Variants in TTC28 observed in about 807,000 individuals in gnomAD.
TTC28 encodes the protein tetratricopeptide repeat protein 28.
A neutral mutation model predicts 198.0 loss-of-function variants in TTC28; 61 were observed. The observed-to-expected ratio is 0.31, with a 90% confidence interval of 0.25 to 0.38. TTC28 has a LOEUF of 0.38. Ranked by LOEUF, TTC28 falls within the 10% of genes least tolerant of loss-of-function variation. The probability of loss-of-function intolerance (pLI) is 1.00; values close to 1 mark genes in which losing one functional copy is unlikely to be tolerated. For missense variants in TTC28, 2,678 were observed against 3,164.0 expected (o/e 0.85, Z 3.69); for synonymous variants, 1,171 against 1,297.8 (o/e 0.90, Z 2.10).
chr22:28,574,456 G>A (rs919888957), intron 2 of TTC28, among the ~76,000 whole-genome samples: 4 of 152,038 alleles, frequency 2.6e-5, no homozygotes, highest in Non-Finnish European at 5.9e-5. Flanking sequence ...TCCAAATCTT[G>A]GCTACTGTAA....
Position 27,980,733 on chromosome 22 carries a change from A to AAAT in TTC28, c.*1485_*1487dup, listed in dbSNP as rs1936981502. 6.6e-6 allele frequency: 1 copy of AAAT among 151,708 alleles called. No homozygotes were observed. Among genetic ancestry groups the AAAT allele is most frequent in the Admixed American group, 6.6e-5 (1 of 15,224 alleles). The allele number at this position is 151,708 out of a possible 1,614,324, so 9.4% of individuals were successfully genotyped here. ...TTACCTAAAAGATACTTACTTATCTAAATTCTCCAACTAAACTCAGTACTA... is the reference window on the plus strand; with the variant it reads ...TTACCTAAAAGATACTTACTTATCTAAATAATTCTCCAACTAAACTCAGTACTA... On this transcript the variant is annotated 3_prime_UTR_variant, in exon 23 of 23. Coordinates refer to ENST00000397906, the MANE Select transcript of TTC28 (RefSeq NM_001145418.2).
At chr22:28,265,118 C>T (rs1931597328) in intron 5 of TTC28, among the ~76,000 whole-genome samples, 1 of 152,120 alleles carries the variant, frequency 6.6e-6, no homozygotes, top group South Asian at 2.1e-4. Flanking sequence ...GAATAAATGA[C>T]ATACATTTAT....
At chr22:28,102,049 C>T (rs1277822479) in intron 8 of TTC28, among the ~76,000 whole-genome samples, 2 of 152,130 alleles carry the variant, frequency 1.3e-5, no homozygotes, top group Non-Finnish European at 2.9e-5. Context: ...CATAGCTTTG[C>T]AAAGGAAAAC....
intron 2 of TTC28, among the ~76,000 whole-genome samples, chr22:28,444,469 T>G (rs2047672913): frequency 6.6e-6 from 1 of 152,308 alleles, no homozygotes; most frequent in Non-Finnish European, 1.5e-5. Context: ...CCTGAGAATC[T>G]GAAATTCAAT....
At chr22:28,512,450 A>G (rs1293979435) in intron 2 of TTC28, among the ~76,000 whole-genome samples, 1 of 152,200 alleles carries the variant, frequency 6.6e-6, no homozygotes, top group Non-Finnish European at 1.5e-5. Flanking sequence ...AATATAAACC[A>G]TTCTATTATA....
At chr22:28,589,942 G>T (rs933634235) in intron 2 of TTC28, among the ~76,000 whole-genome samples, 35 of 148,644 alleles carry the variant, frequency 2.4e-4, no homozygotes, top group African/African-American at 8.7e-4. Flanking sequence ...GGAGGCTGAG[G>T]CAGAGAACTG....
chr22:28,011,460 G>A (rs1447618308), intron 14 of TTC28, among the ~76,000 whole-genome samples: 2 of 152,140 alleles, frequency 1.3e-5, no homozygotes, highest in African/African-American at 4.8e-5. Context: ...GCTGGGTGTG[G>A]TGGTGCACAC....
chr22:28,288,085 A>G (rs2044718261), intron 5 of TTC28, among the ~76,000 whole-genome samples: 1 of 152,148 alleles, frequency 6.6e-6, no homozygotes, highest in Non-Finnish European at 1.5e-5. Flanking sequence ...AATAACATCA[A>G]TAATAACAAT....
intron 2 of TTC28, among the ~76,000 whole-genome samples, chr22:28,416,727 C>T (rs1285276717): frequency 6.6e-6 from 1 of 152,128 alleles, no homozygotes; most frequent in Admixed American, 6.5e-5. Context: ...AAGCATAGCA[C>T]ACAACACTGA....
chr22:28,165,512 G>A (rs1034199860), intron 5 of TTC28, among the ~76,000 whole-genome samples: 1 of 151,834 alleles, frequency 6.6e-6, no homozygotes, highest in East Asian at 1.9e-4. Context: ...GAAGAGAGTA[G>A]GGGCCAATAT....
chr22:28,129,805 G>A (rs1456167782), intron 6 of TTC28, among the ~76,000 whole-genome samples: 4 of 152,162 alleles, frequency 2.6e-5, no homozygotes, highest in Admixed American at 6.6e-5. Context: ...GTAGACAGAG[G>A]CTCCTCTGAA....
Position 28,163,370 on chromosome 22 carries a change from C to T in TTC28, c.1163G>A (p.Gly388Glu). Residue 388 changes from glycine to glutamate, a missense_variant, in exon 6 of 23, where the codon GGG becomes GAG. Gly to Glu is a moderately conservative substitution (Grantham distance 98, BLOSUM62 -2). Coordinates refer to ENST00000397906, the MANE Select transcript of TTC28 (RefSeq NM_001145418.2). ...EQHLKIAKDL[G>E]NKREEARAYS... ...AGCCCGGGCCTCTTCTCGCTTGTTC[C>T]CCAGGTCCTTGGCTATCTTCAGATG... 1 of 1,552,036 alleles carries T rather than the reference C, an allele frequency of 6.4e-7. No individual in the cohort carries two copies. The highest frequency in any genetic ancestry group is 1.2e-5 in the South Asian group (1 of 84,062).
At chr22:28,210,134 A>T (rs1926793776) in intron 5 of TTC28, among the ~76,000 whole-genome samples, 1 of 152,144 alleles carries the variant, frequency 6.6e-6, no homozygotes, top group Non-Finnish European at 1.5e-5. Flanking sequence ...AACCCCATCT[A>T]TATGTCACCA....
At chr22:28,300,782 G>A (rs550595999) in intron 3 of TTC28, among the ~76,000 whole-genome samples, 1 of 152,304 alleles carries the variant, frequency 6.6e-6, no homozygotes, top group African/African-American at 2.4e-5. Context: ...AAGTGCCAGA[G>A]AAGACAGATA....
chr22:28,478,080 G>T (rs758342696), intron 2 of TTC28, among the ~76,000 whole-genome samples: 2 of 152,186 alleles, frequency 1.3e-5, no homozygotes, highest in African/African-American at 2.4e-5. Context: ...TGTTTGCTAA[G>T]CTGTGTAATT....
chr22:28,464,276 C>T (rs186325950), intron 2 of TTC28, among the ~76,000 whole-genome samples: 103 of 152,284 alleles, frequency 6.8e-4, no homozygotes, highest in African/African-American at 2.4e-3. Context: ...GGATGTGATA[C>T]TGGAGTTTTA....
chr22:28,526,189 C>T lies in TTC28; in HGVS notation c.381+103363G>A, dbSNP rs1046103657. Among the ~76,000 whole-genome samples, 29 of 152,278 alleles carry T rather than the reference C, an allele frequency of 1.9e-4. 1 individual carries two copies. The highest frequency in any genetic ancestry group is 9.8e-4 in the Admixed American group (15 of 15,286). ...TTCAATATTCTCATCTATAAAACTA[C>T]TAACAATAATAAGTATCTAGTCTTA... On this transcript the variant is annotated intron_variant, in intron 2 of 22. Coordinates refer to ENST00000397906, the MANE Select transcript of TTC28 (RefSeq NM_001145418.2).
intron 5 of TTC28, among the ~76,000 whole-genome samples, chr22:28,209,281 T>C (rs1311703744): frequency 6.6e-6 from 1 of 152,120 alleles, no homozygotes; most frequent in African/African-American, 2.4e-5. Flanking sequence ...GTTGTTGGAC[T>C]GAGGCTTGCT....
intron 2 of TTC28, among the ~76,000 whole-genome samples, chr22:28,489,181 G>A (rs1180966841): frequency 6.6e-6 from 1 of 151,996 alleles, no homozygotes; most frequent in East Asian, 1.9e-4. Flanking sequence ...CTACTCATGA[G>A]GCTGAGGCAA....
Sources: allele counts gnomAD v4.1 joint callset (sites outside exome capture counted in the v4.1 genomes callset), GRCh38; gene constraint gnomAD v4.1.1; transcripts MANE v1.5; gene names NCBI Gene and HGNC (gene_info 2026-07-23, HGNC 2026-07-21).